Variants in SPAG6 observed in about 807,000 individuals in gnomAD.
SPAG6 encodes the protein sperm associated antigen 6.
SPAG6 carries 49 observed loss-of-function variants against 58.5 expected under a neutral mutation model. The observed-to-expected ratio is 0.84, with a 90% CI of 0.67 to 1.06. SPAG6 has a LOEUF of 1.06. SPAG6 is among the 50% of genes least tolerant of loss of function. The pLI, the probability that SPAG6 is intolerant of heterozygous loss-of-function variation, is 0.00. For missense variants in SPAG6, 560 were observed against 611.3 expected, an observed-to-expected ratio of 0.92 and a Z score of 0.89; for synonymous variants, 233 against 225.6, an observed-to-expected ratio of 1.03 and a Z score of -0.29.
intron 2 of SPAG6, 113 bp from the exon 3 acceptor site, chr10:22,364,740 T>C: frequency 1.4e-6 from 1 of 710,214 alleles, no homozygotes; most frequent in South Asian, 2.3e-5. Context: ...GTGAATAGTT[T>C]TATTTTTACT....
intron 8 of SPAG6, among the ~76,000 whole-genome samples, chr10:22,397,044 A>G (rs1834309822): frequency 6.6e-6 from 1 of 152,134 alleles, no homozygotes; most frequent in African/African-American, 2.4e-5. Context: ...TGACCCCATA[A>G]AATTTCTGTA....
At position 22,391,834 on chromosome 10, in the gene SPAG6, GCACGGGCTGTTGCAGT is replaced by G. The variant is rs1419373765; in HGVS notation, c.1115_1130del (p.Arg372GlnfsTer22). The G allele has an allele frequency of 1.2e-6, 2 of 1,613,296 alleles. No homozygotes were observed. Among genetic ancestry groups the G allele is most frequent in the Non-Finnish European group, 1.7e-6 (2 of 1,179,664 alleles). On this transcript the variant is annotated frameshift_variant, in exon 8 of 11. Coordinates refer to ENST00000376624, the MANE Select transcript of SPAG6 (RefSeq NM_012443.4). LOFTEE classifies it high-confidence loss of function. ...GATTGGAAGACACACTCCTGAACACGCACGGGCTGTTGCAGTCACAAATACTTTGCCAGTTCTGCTT... is the reference window on the plus strand; with the variant it reads ...GATTGGAAGACACACTCCTGAACACGCACAAATACTTTGCCAGTTCTGCTT...
At chr10:22,362,194 G>C (rs1338524084) in intron 2 of SPAG6, among the ~76,000 whole-genome samples, 1 of 143,590 alleles carries the variant, frequency 7.0e-6, no homozygotes, top group African/African-American at 2.5e-5. Flanking sequence ...TTATATTTAT[G>C]TGTCCACTTG....
intron 2 of SPAG6, among the ~76,000 whole-genome samples, chr10:22,363,468 G>A (rs1350983836): frequency 6.6e-6 from 1 of 152,194 alleles, no homozygotes; most frequent in Non-Finnish European, 1.5e-5. Context: ...GCGCTTACCA[G>A]CCTTCGTGGG....
intron 10 of SPAG6, among the ~76,000 whole-genome samples, chr10:22,414,134 G>A (rs939168125): frequency 2.0e-5 from 3 of 152,146 alleles, no homozygotes; most frequent in African/African-American, 7.2e-5. Context: ...CTCTGCCTCA[G>A]CTGGGGTGGG....
rs1441158602 is a variant in SPAG6 at position 22,345,616 on chromosome 10, G to A, written c.5G>A (p.Ser2Asn). 4 of 1,535,808 alleles carry A rather than the reference G, an allele frequency of 2.6e-6. No homozygotes were observed. The East Asian group carries it at 9.8e-5, about 38-fold the overall frequency. Residue 2 changes from serine (S) to asparagine (N), a missense_variant, in exon 1 of 11, where the codon AGT becomes AAT. Ser to Asn is a conservative substitution (Grantham distance 46). Transcript: ENST00000376624. This position sits in a 1 kb window ranked among gnomAD's most constrained non-coding sequence, Gnocchi z 6.3. ...GCAGACGGCGGCGGGGGCGCCATGAGTCAGAGGCAGGTGCTGCAAGGTAGG... is the reference window on the plus strand; with the variant it reads ...GCAGACGGCGGCGGGGGCGCCATGAATCAGAGGCAGGTGCTGCAAGGTAGG... MSQRQVLQVFEQ... is the reference protein window; with the variant it reads MNQRQVLQVFEQ...
At chr10:22,348,259 G>A (rs1323643124) in intron 2 of SPAG6, among the ~76,000 whole-genome samples, 2 of 152,188 alleles carry the variant, frequency 1.3e-5, no homozygotes. Context: ...AAAGCACTGG[G>A]ATTGCGCCCG....
intron 4 of SPAG6, among the ~76,000 whole-genome samples, chr10:22,380,135 T>C (rs1833915086): frequency 1.3e-5 from 2 of 152,202 alleles, no homozygotes; most frequent in Admixed American, 6.5e-5. Context: ...ACCAAAATCA[T>C]GCTGGAGTTA....
At position 22,352,356 on chromosome 10, in the gene SPAG6, CTTAG is replaced by C. The variant is rs558514737; in HGVS notation, c.121+6541_121+6544del. On this transcript the variant is annotated intron_variant, in intron 2 of 10. Transcript: ENST00000376624. ...TTTCCCATATAAATGTCTTTGTAGA[CTTAG>C]TTTAATAATATATCACCCTTTTTTT... Among the ~76,000 whole-genome samples, 147 of 151,864 alleles carry C rather than the reference CTTAG, an allele frequency of 9.7e-4. No homozygotes were observed. In the South Asian group the frequency reaches 0.016, roughly 16 times the overall value.
rs536615825 is a variant in SPAG6 at position 22,361,891 on chromosome 10, A to T, written c.122-2962A>T. On this transcript the variant is annotated intron_variant, in intron 2 of 10. Transcript: ENST00000376624. Reference sequence around the variant, plus strand: ...TTCTTAAATCCTTAATATGTGTTCAAAGCTCTTTAGATTTAATTCAAAATA... The same window carrying T: ...TTCTTAAATCCTTAATATGTGTTCATAGCTCTTTAGATTTAATTCAAAATA... Among the ~76,000 whole-genome samples, 8 of 151,264 alleles carry T rather than the reference A, an allele frequency of 5.3e-5. No individual in the cohort carries two copies. In the South Asian group the frequency reaches 1.7e-3, roughly 31 times the overall value.
chr10:22,385,536 G>A (rs898500835), intron 4 of SPAG6, among the ~76,000 whole-genome samples: 1 of 152,134 alleles, frequency 6.6e-6, no homozygotes, highest in African/African-American at 2.4e-5. Context: ...CATTGGCGCC[G>A]AGCTGAATGA....
Position 22,368,603 on chromosome 10 carries a change from T to C in SPAG6, c.397T>C (p.Cys133Arg). The change falls in exon 4 of 11, where the codon TGC (cysteine) becomes CGC (arginine). Residue 133 changes from cysteine (C) to arginine (R), a missense_variant. By Grantham distance (180) the Cys-to-Arg change is radical. Transcript: ENST00000376624. The part of the protein sequence containing the change: ...DCGALDTLVI[C>R]LEDFDPGVKE... ...TGGAGCACTGGATACGCTGGTCATA[T>C]GCTTGGAAGATTTTGACCCTGGAGT... 6.2e-7 allele frequency: 1 copy of C among 1,613,970 alleles called. No individual in the cohort carries two copies. The highest frequency in any genetic ancestry group is 8.5e-7 in the Non-Finnish European group (1 of 1,179,936).
intron 10 of SPAG6, chr10:22,413,031 T>C (rs1834777470): frequency 7.8e-6 from 1 of 127,624 alleles, no homozygotes; most frequent in South Asian, 2.4e-4. Flanking sequence ...AAGGTAACTT[T>C]CAATGCAATT....
intron 10 of SPAG6, among the ~76,000 whole-genome samples, chr10:22,415,900 A>G (rs943855358): frequency 1.4e-4 from 21 of 152,142 alleles, no homozygotes; most frequent in African/African-American, 5.1e-4. Flanking sequence ...AGTTATTTCC[A>G]TGACGTATTA....
intron 9 of SPAG6, among the ~76,000 whole-genome samples, chr10:22,407,025 G>A (rs1834575270): frequency 1.3e-5 from 2 of 151,986 alleles, no homozygotes; most frequent in Non-Finnish European, 2.9e-5. Flanking sequence ...TTGAGCCTAT[G>A]TGTGTCTCTG....
rs778230875 is a variant in SPAG6, at chr10:22,391,770, A to G, written c.1047A>G (p.Glu349=). The G allele has an allele frequency of 1.2e-6, 2 of 1,613,558 alleles. No individual in the cohort carries two copies. The highest frequency in any genetic ancestry group is 3.3e-5 in the Admixed American group (2 of 59,900). The change falls in exon 8 of 11, where the codon GAA becomes GAG. Residue 349 remains glutamate, a synonymous_variant. Transcript: ENST00000376624. The part of the protein sequence containing the change: ...QLSVCLSEEP[E]DHIKAAAAWA... ...CAGTCTGCTTGTCAGAAGAACCGGA[A>G]GATCATATTAAGGCTGCAGCTGCTT...
At chr10:22,412,476 C>T in intron 10 of SPAG6, 1 of 1,531,676 alleles carries the variant, frequency 6.5e-7, no homozygotes, top group Non-Finnish European at 8.7e-7. Flanking sequence ...AGTTTGTGCA[C>T]TTTTTAGGAA....
At chr10:22,352,068 G>A (rs150127042) in intron 2 of SPAG6, among the ~76,000 whole-genome samples, 1,698 of 152,198 alleles carry the variant, frequency 0.011, 27 homozygotes, top group African/African-American at 0.038. Context: ...GGCTGAGGCA[G>A]GAGAATGGCG....
chr10:22,407,205 G>A (rs923220827), intron 9 of SPAG6, among the ~76,000 whole-genome samples: 37 of 150,386 alleles, frequency 2.5e-4, no homozygotes, highest in South Asian at 8.5e-4. Flanking sequence ...GATTTTGCTC[G>A]TTAGTTGATG....
Sources: gnomAD v4.1 joint callset for allele counts (sites outside exome capture counted in the v4.1 genomes callset) on GRCh38, gnomAD v4.1.1 for gene constraint, Gnocchi (gnomAD v3.1) non-coding constraint, MANE v1.5 for transcripts, NCBI Gene and HGNC (gene_info 2026-07-23, HGNC 2026-07-21) for gene names.